The following TTC21B variants were observed in gnomAD, a reference collection of about 807,000 sequenced individuals.
TTC21B encodes tetratricopeptide repeat protein 21B.
A neutral mutation model predicts 175.1 loss-of-function variants in TTC21B; 127 were observed. The ratio of observed to expected loss-of-function variants is 0.73; its 90% CI spans 0.63 to 0.84. The LOEUF (loss-of-function observed/expected upper bound fraction) is 0.84, where lower values mean the gene tolerates loss of function less well. Ranked by LOEUF, TTC21B falls within the 40% of genes least tolerant of loss-of-function variation. TTC21B has a pLI of 0.00. For missense variants in TTC21B, 1,561 were observed against 1,558.3 expected (o/e 1.00, Z -0.03); for synonymous variants, 524 against 524.5 (o/e 1.00, Z 0.01).
intron 22 of TTC21B, among the ~76,000 whole-genome samples, chr2:165,898,373 G>T (rs1291513481): frequency 6.6e-6 from 1 of 152,166 alleles, no homozygotes; most frequent in Admixed American, 6.5e-5. Context: ...TTAACTGTGG[G>T]CAAGAAATGG....
At chr2:165,901,934 G>GA (rs755858570) in intron 19 of TTC21B, 24 bp from the exon 20 acceptor site, 5 of 1,568,872 alleles carry the variant, frequency 3.2e-6, no homozygotes, top group Admixed American at 1.8e-5. Context: ...GTATAAAAGG[G>GA]AATAAAAAAA....
At chr2:165,945,485 T>A in intron 4 of TTC21B, 39 bp downstream of exon 4, 1 of 1,566,776 alleles carries the variant, frequency 6.4e-7, no homozygotes, top group Non-Finnish European at 8.7e-7. Context: ...ACATAAGCAT[T>A]TTTTAATGTT....
intron 25 of TTC21B, among the ~76,000 whole-genome samples, 180 bp downstream of exon 25, chr2:165,888,099 C>T (rs1685068431): frequency 6.6e-6 from 1 of 152,162 alleles, no homozygotes; most frequent in Non-Finnish European, 1.5e-5. Flanking sequence ...CACAACAAAA[C>T]AGTAACATCG....
Position 165,931,861 on chromosome 2 carries a change from A to C in TTC21B, c.796-5T>G, listed in dbSNP as rs753246210. On this transcript the variant is annotated splice_polypyrimidine_tract_variant and splice_region_variant and intron_variant, in intron 7 of 28. Coordinates refer to ENST00000243344, the MANE Select transcript of TTC21B (RefSeq NM_024753.5). ...GTTTTCCAGCTTGGTGGAAGCCTAA[A>C]ACAAAAGGAACTGGTATTAACTTAA... The C allele has an allele frequency of 6.3e-7, 1 of 1,586,174 alleles. No individual in the cohort carries two copies. The highest frequency in any genetic ancestry group is 2.2e-5 in the East Asian group (1 of 44,716).
rs147222434 is a variant in TTC21B, at chr2:165,912,612, T to C, written c.2224A>G (p.Ile742Val). 17 of 1,613,938 alleles carry C rather than the reference T, an allele frequency of 1.1e-5. No individual in the cohort carries two copies. In the African/African-American group the frequency reaches 2.0e-4, roughly 19 times the overall value. ...TTTAATGCTTGCTCATATGCTACTATGGCTTCTTCAGGCTAATATTGCCAG... is the reference window on the plus strand; with the variant it reads ...TTTAATGCTTGCTCATATGCTACTACGGCTTCTTCAGGCTAATATTGCCAG... ...YMNILEPEEA[I>V]VAYEQALNQN... The change falls in exon 17 of 29, where the codon ATA becomes GTA. Residue 742 changes from isoleucine (I) to valine (V), a missense_variant. Physicochemically the swap from Ile to Val is conservative, Grantham distance 29 (BLOSUM62 3). Transcript: ENST00000243344.
At chr2:165,928,308 TACA>T (rs917520415) in intron 11 of TTC21B, among the ~76,000 whole-genome samples, 4 of 152,100 alleles carry the variant, frequency 2.6e-5, no homozygotes, top group African/African-American at 9.7e-5. Context: ...AGTCCAAAAG[TACA>T]ACAAGTAAGA....
intron 15 of TTC21B, among the ~76,000 whole-genome samples, chr2:165,914,355 G>C (rs927438051): frequency 6.6e-6 from 1 of 152,016 alleles, no homozygotes; most frequent in Admixed American, 6.6e-5. Flanking sequence ...ACCCTATTTT[G>C]AATTATTTTC....
rs1021192918 is a variant in TTC21B at position 165,886,149 on chromosome 2, T to C, written c.3459+2130A>G. Among the ~76,000 whole-genome samples the C allele has an allele frequency of 5.3e-5, 8 of 152,210 alleles. No homozygotes were observed. The East Asian group carries it at 5.8e-4, about 11-fold the overall frequency. On this transcript the variant is annotated intron_variant, in intron 25 of 28. Coordinates refer to ENST00000243344, the MANE Select transcript of TTC21B (RefSeq NM_024753.5). ...CATTTTCCTCTTCCTCTGAAACACA[T>C]TGTCTTCATTTCTGCCTGTTAAAAT...
intron 26 of TTC21B, 40 bp from the exon 27 acceptor site, chr2:165,880,839 A>T: frequency 6.3e-7 from 1 of 1,599,458 alleles, no homozygotes; most frequent in Non-Finnish European, 8.5e-7. Flanking sequence ...TAAACTTGAT[A>T]TCACTAAGAT....
At chr2:165,929,815 A>G (rs137901538) in intron 9 of TTC21B, 68 bp from the exon 10 acceptor site, 395 of 1,017,558 alleles carry the variant, frequency 3.9e-4, no homozygotes, top group Non-Finnish European at 5.6e-4. Flanking sequence ...TCAAGCTAAC[A>G]TAACAACATT....
chr2:165,924,832 TTAAC>T (rs1357238731), intron 11 of TTC21B, among the ~76,000 whole-genome samples, 154 bp from the exon 12 acceptor site: 2 of 152,212 alleles, frequency 1.3e-5, no homozygotes, highest in Non-Finnish European at 2.9e-5. Flanking sequence ...TTATTATGAC[TTAAC>T]TAATACTAAT....
intron 3 of TTC21B, chr2:165,948,217 C>G (rs946565862): frequency 6.6e-6 from 1 of 152,214 alleles, no homozygotes. Flanking sequence ...TCAGCCTACT[C>G]TTACAGCTGA....
chr2:165,927,016 A>ATATATATATC lies in TTC21B; in HGVS notation c.1386+2118_1386+2119insGATATATATA, dbSNP rs1449538153. Among the ~76,000 whole-genome samples, 8 of 100,062 alleles carry ATATATATATC rather than the reference A, an allele frequency of 8.0e-5. 1 individual carries two copies. Among genetic ancestry groups the ATATATATATC allele is most frequent in the Non-Finnish European group, 1.2e-4 (6 of 48,878 alleles). 65.6% of individuals were successfully genotyped at this position (100,062 alleles called of 152,430 possible). A position where few individuals can be genotyped will look rare whatever the true frequency, so the allele number is the denominator to read the frequency against. The stretch of plus-strand genomic sequence containing the variant: ...CATATATATATATATATATATATAT[A>ATATATATATC]TCTCCTAGTAGTTATATATATATAT... On this transcript the variant is annotated intron_variant, in intron 11 of 28. Transcript: ENST00000243344.
rs1170296957 is a variant in TTC21B at position 165,930,183 on chromosome 2, G to C, written c.1076C>G (p.Ser359Cys). The part of the protein sequence containing the change: ...TAMTLDETSV[S>C]ALVGFIQCQL... ...AACAGTTGTCATACCAACTAGGGCA[G>C]ACACACTAGTCTCATCAAGTGTCAT... Residue 359 changes from serine (S) to cysteine (C), a missense_variant, in exon 9 of 29, where the codon TCT (serine) becomes TGT (cysteine). Physicochemically the swap from Ser to Cys is moderately radical, Grantham distance 112. Coordinates refer to ENST00000243344, the MANE Select transcript of TTC21B (RefSeq NM_024753.5). The C allele has an allele frequency of 9.3e-6, 15 of 1,612,330 alleles. No individual in the cohort carries two copies. Among genetic ancestry groups the C allele is most frequent in the Non-Finnish European group, 1.2e-5 (14 of 1,178,806 alleles).
intron 22 of TTC21B, among the ~76,000 whole-genome samples, chr2:165,896,124 T>A (rs1258677351): frequency 6.6e-6 from 1 of 152,048 alleles, no homozygotes; most frequent in Non-Finnish European, 1.5e-5. Context: ...TCTGAGGCTC[T>A]GAGCACAGAT....
At chr2:165,917,528 C>T in intron 13 of TTC21B, 47 bp from the exon 14 acceptor site, 2 of 1,408,368 alleles carry the variant, frequency 1.4e-6, no homozygotes, top group African/African-American at 2.8e-5. Flanking sequence ...ACAACATCAA[C>T]ACATAATTTA....
intron 12 of TTC21B, among the ~76,000 whole-genome samples, chr2:165,920,051 G>C (rs766656161): frequency 6.6e-6 from 1 of 152,146 alleles, no homozygotes; most frequent in Non-Finnish European, 1.5e-5. Flanking sequence ...AGGAATTGAG[G>C]AATTGACCTC....
At position 165,883,457 on chromosome 2, in the gene TTC21B, G is replaced by A. The variant is rs533351753; in HGVS notation, c.3684+337C>T. Among the ~76,000 whole-genome samples, 4 of 152,252 alleles carry A rather than the reference G, an allele frequency of 2.6e-5. 1 individual carries two copies. Among genetic ancestry groups the A allele is most frequent in the African/African-American group, 9.6e-5 (4 of 41,558 alleles). On this transcript the variant is annotated intron_variant, in intron 26 of 28. Coordinates refer to ENST00000243344, the MANE Select transcript of TTC21B (RefSeq NM_024753.5). ...GTATTTCTTAATGGGAGGGACAGAC[G>A]TCCGCAATTAATGTTCTTCTGCAAT...
chr2:165,911,942 G>C (rs1410784268), intron 17 of TTC21B, among the ~76,000 whole-genome samples: 1 of 152,118 alleles, frequency 6.6e-6, no homozygotes, highest in East Asian at 1.9e-4. Context: ...TAGGATTACA[G>C]GCGTGAGCCA....
Sources: gnomAD v4.1 joint callset for allele counts (sites outside exome capture counted in the v4.1 genomes callset) on GRCh38, gnomAD v4.1.1 for gene constraint, MANE v1.5 for transcripts, NCBI Gene and HGNC (gene_info 2026-07-23, HGNC 2026-07-21) for gene names.